The following SEC24A variants were observed in gnomAD, a reference collection of about 807,000 sequenced individuals.
The protein encoded by SEC24A is protein transport protein Sec24A.
SEC24A carries 93 observed loss-of-function variants against 129.4 expected under a neutral mutation model. The ratio of observed to expected loss-of-function variants is 0.72; its 90% CI spans 0.61 to 0.85. The LOEUF (loss-of-function observed/expected upper bound fraction) is 0.85. Ranked by LOEUF, SEC24A falls within the 40% of genes least tolerant of loss-of-function variation. SEC24A has a pLI of 0.00. For missense variants in SEC24A, 1,264 were observed against 1,307.4 expected (o/e 0.97, Z 0.51); for synonymous variants, 460 against 467.3 (o/e 0.98, Z 0.20).
chr5:134,665,776 T>C (rs966101360), intron 2 of SEC24A, among the ~76,000 whole-genome samples: 8 of 152,112 alleles, frequency 5.3e-5, no homozygotes, highest in African/African-American at 1.9e-4. Context: ...AGGCTTGTCT[T>C]GAACTCCTGA....
chr5:134,720,776 G>A (rs912328633), intron 20 of SEC24A, among the ~76,000 whole-genome samples: 8 of 151,942 alleles, frequency 5.3e-5, no homozygotes, highest in African/African-American at 1.9e-4. Context: ...GGTGGCACAC[G>A]CCTGTAGTCC....
chr5:134,677,202 C>T (rs1472171631), intron 7 of SEC24A, among the ~76,000 whole-genome samples: 2 of 151,992 alleles, frequency 1.3e-5, no homozygotes, highest in Non-Finnish European at 2.9e-5. Flanking sequence ...CCTGGCTACT[C>T]GGGAGGCTAA....
At chr5:134,688,102 T>C (rs1751509843) in intron 10 of SEC24A, 79 bp from the exon 11 acceptor site, 1 of 831,126 alleles carries the variant, frequency 1.2e-6, no homozygotes, top group Non-Finnish European at 2.1e-6. Context: ...GATATTTTCA[T>C]GTAACTCTTA....
At chr5:134,700,726 T>A (rs1219499014) in intron 15 of SEC24A, among the ~76,000 whole-genome samples, 3 of 151,478 alleles carry the variant, frequency 2.0e-5, no homozygotes, top group Non-Finnish European at 2.9e-5. Context: ...TTACTTTATT[T>A]TTTTTTTTCT....
At chr5:134,720,252 C>T (rs977600486) in intron 20 of SEC24A, among the ~76,000 whole-genome samples, 4 of 152,168 alleles carry the variant, frequency 2.6e-5, no homozygotes, top group Non-Finnish European at 4.4e-5. Context: ...TTTTACTATA[C>T]CTTTCCTATG....
chr5:134,666,748 A>G (rs1750674884), intron 2 of SEC24A, 75 bp from the exon 3 acceptor site: 1 of 1,181,552 alleles, frequency 8.5e-7, no homozygotes, highest in East Asian at 2.4e-5. Flanking sequence ...GAAGTTACTC[A>G]GCTTTGGTAA....
intron 18 of SEC24A, among the ~76,000 whole-genome samples, chr5:134,710,790 A>G (rs1410834511): frequency 6.6e-6 from 1 of 152,164 alleles, no homozygotes; most frequent in African/African-American, 2.4e-5. Flanking sequence ...TCCAAAATTG[A>G]ATGTCCAAAC....
At chr5:134,667,784 G>A (rs972926606) in intron 3 of SEC24A, among the ~76,000 whole-genome samples, 3 of 151,798 alleles carry the variant, frequency 2.0e-5, no homozygotes, top group Non-Finnish European at 4.4e-5. Flanking sequence ...ACAAGCTTTT[G>A]AAATTTGATT....
chr5:134,723,552 G>A lies in SEC24A; in HGVS notation c.3064-15G>A. On this transcript the variant is annotated splice_polypyrimidine_tract_variant and intron_variant, in intron 21 of 22. Transcript: ENST00000398844. ...GTAATTAAAGTAATTGGATATTGTT[G>A]GTTTTGGTTAACAGACAGACCTTCC... The A allele has an allele frequency of 2.0e-6, 3 of 1,475,772 alleles. No individual in the cohort carries two copies. The highest frequency in any genetic ancestry group is 1.9e-6 in the Non-Finnish European group (2 of 1,055,766). 91.4% of individuals were successfully genotyped at this position (1,475,772 alleles called of 1,614,324 possible). A position where few individuals can be genotyped will look rare whatever the true frequency, so the allele number is the denominator to read the frequency against.
chr5:134,693,090 A>G, intron 12 of SEC24A: 1 of 1,535,914 alleles, frequency 6.5e-7, no homozygotes, highest in Non-Finnish European at 8.7e-7. Flanking sequence ...TTGCCATGAG[A>G]TAATACAGTG....
In SEC24A at chr5:134,692,566, A is replaced by G. The variant is rs755631164; in HGVS notation, c.1724-36A>G. 3 of 1,059,892 alleles carry G rather than the reference A, an allele frequency of 2.8e-6. No homozygotes were observed. The African/African-American group carries it at 4.8e-5, about 17-fold the overall frequency. 65.7% of individuals were successfully genotyped at this position (1,059,892 alleles called of 1,614,324 possible). ...TATTTGGCACACTTTTAATTATTAC[A>G]TTTTGTTTAAAATAAATATGTATTT... On this transcript the variant is annotated intron_variant, in intron 11 of 22. Transcript: ENST00000398844.
intron 2 of SEC24A, among the ~76,000 whole-genome samples, chr5:134,665,439 G>C (rs1329675814): frequency 6.7e-6 from 1 of 149,960 alleles, no homozygotes; most frequent in East Asian, 2.0e-4. Context: ...TGGGGGACAA[G>C]AGTGAGACTT....
At chr5:134,649,702 T>G (rs2150063757) in intron 1 of SEC24A, among the ~76,000 whole-genome samples, 1 of 152,294 alleles carries the variant, frequency 6.6e-6, no homozygotes, top group Admixed American at 6.5e-5. Context: ...ATGTTTCAGC[T>G]GTGGAAAAAC....
intron 2 of SEC24A, among the ~76,000 whole-genome samples, chr5:134,664,630 C>A (rs758433934): frequency 1.1e-4 from 16 of 152,070 alleles, no homozygotes; most frequent in Admixed American, 5.3e-4. Flanking sequence ...ATGTACCTTG[C>A]CCCTTTGTTC....
In SEC24A at chr5:134,712,926, A is replaced by ATTTTT. The variant is rs754704811; in HGVS notation, c.2728-2079_2728-2075dup. On this transcript the variant is annotated intron_variant, in intron 18 of 22. Coordinates refer to ENST00000398844, the MANE Select transcript of SEC24A (RefSeq NM_021982.3). ...AGCCACCGTGCCTGGAAATATTTAA[A>ATTTTT]TTTTTTTTTTTTTTTTTTTTTTTGA... is the stretch of plus-strand genomic sequence containing the variant. Among the ~76,000 whole-genome samples, 63 of 102,716 alleles carry ATTTTT rather than the reference A, an allele frequency of 6.1e-4. 2 individuals carry two copies. The highest frequency in any genetic ancestry group is 4.0e-3 in the South Asian group (12 of 2,978). The allele number at this position is 102,716 out of a possible 152,430, so 67.4% of individuals were successfully genotyped here. A position where few individuals can be genotyped will look rare whatever the true frequency, so the allele number is the denominator to read the frequency against.
At chr5:134,652,170 C>T (rs1274034238) in intron 1 of SEC24A, among the ~76,000 whole-genome samples, 6 of 152,010 alleles carry the variant, frequency 3.9e-5, no homozygotes, top group Admixed American at 3.3e-4. Context: ...GATCCGCCCG[C>T]GTCGGCCTCC....
chr5:134,679,510 C>T, intron 7 of SEC24A, 92 bp from the exon 8 acceptor site: 3 of 824,278 alleles, frequency 3.6e-6, no homozygotes, highest in South Asian at 4.3e-5. Context: ...GATAATATCC[C>T]AACAGTTATT....
intron 10 of SEC24A, among the ~76,000 whole-genome samples, chr5:134,687,538 G>A (rs1387271280): frequency 1.3e-5 from 2 of 152,202 alleles, no homozygotes; most frequent in African/African-American, 2.4e-5. Context: ...GTGCTTGTGT[G>A]TGGTGTGGAG....
rs751998475 is a variant in SEC24A at position 134,674,664 on chromosome 5, A to G, written c.867A>G (p.Gly289=). The change falls in exon 5 of 23, where the codon GGA becomes GGG. Residue 289 remains glycine, a synonymous_variant. Coordinates refer to ENST00000398844, the MANE Select transcript of SEC24A (RefSeq NM_021982.3). The stretch of plus-strand genomic sequence containing the variant: ...ATCCCAAAATGAGCCGAAGTGTTGG[A>G]TATTCATATCCCTCCTTACCACCTG... ...NKNPKMSRSV[G]YSYPSLPPGY... The G allele has an allele frequency of 7.2e-5, 117 of 1,613,850 alleles. No homozygotes were observed. Among genetic ancestry groups the G allele is most frequent in the Non-Finnish European group, 9.7e-5 (114 of 1,179,890 alleles).
Sources: gnomAD v4.1 joint callset for allele counts (sites outside exome capture counted in the v4.1 genomes callset) on GRCh38, gnomAD v4.1.1 for gene constraint, MANE v1.5 for transcripts, NCBI Gene and HGNC (gene_info 2026-07-23, HGNC 2026-07-21) for gene names.